The following MAP7 variants were observed in gnomAD, a reference collection of about 807,000 sequenced individuals.
MAP7 encodes the protein ensconsin.
MAP7 carries 52 observed loss-of-function variants against 94.8 expected under a neutral mutation model. The ratio of observed to expected loss-of-function variants is 0.55; its 90% confidence interval spans 0.44 to 0.69. The LOEUF (loss-of-function observed/expected upper bound fraction) is 0.69. MAP7 is among the 30% of genes least tolerant of loss of function. MAP7 has a pLI of 0.00. For synonymous variants in MAP7, 350 were observed against 357.0 expected (o/e 0.98, Z 0.22); for missense variants, 940 against 964.6 (o/e 0.97, Z 0.34).
chr6:136,462,910 C>A (rs1805712783), intron 1 of MAP7, among the ~76,000 whole-genome samples: 1 of 138,964 alleles, frequency 7.2e-6, no homozygotes, highest in Non-Finnish European at 1.5e-5. Context: ...TGCAGTGAGT[C>A]AAGATCGTGA....
At chr6:136,428,035 T>C (rs992305226) in intron 1 of MAP7, among the ~76,000 whole-genome samples, 1 of 152,180 alleles carries the variant, frequency 6.6e-6, no homozygotes, top group East Asian at 1.9e-4. Flanking sequence ...ACATGGTGTA[T>C]AGTTATATGA....
intron 1 of MAP7, among the ~76,000 whole-genome samples, chr6:136,510,534 G>A (rs1488257179): frequency 6.6e-6 from 1 of 152,106 alleles, no homozygotes; most frequent in Non-Finnish European, 1.5e-5. Flanking sequence ...GAGGATGAAG[G>A]TTCAGAAGGT....
At chr6:136,362,775 C>A in intron 10 of MAP7, 73 bp from the exon 11 acceptor site, 1 of 1,503,200 alleles carries the variant, frequency 6.7e-7, no homozygotes, top group Non-Finnish European at 8.8e-7. Context: ...CTAGCATTCC[C>A]CACATCCAAG....
intron 3 of MAP7, among the ~76,000 whole-genome samples, chr6:136,404,510 T>C (rs183143825): frequency 1.3e-5 from 2 of 152,350 alleles, no homozygotes; most frequent in African/African-American, 4.8e-5. Flanking sequence ...ATCTTAGCTT[T>C]GAACTTAGCT....
intron 1 of MAP7, among the ~76,000 whole-genome samples, chr6:136,514,744 A>G (rs1402744734): frequency 6.6e-6 from 1 of 152,216 alleles, no homozygotes; most frequent in Non-Finnish European, 1.5e-5. Flanking sequence ...TCAGTACACC[A>G]TGCTATAAAC....
chr6:136,432,496 T>C (rs1194491292), intron 1 of MAP7, among the ~76,000 whole-genome samples: 2 of 152,166 alleles, frequency 1.3e-5, no homozygotes, highest in African/African-American at 2.4e-5. Context: ...ATCAGTTCCA[T>C]AGGAATTCAA....
At chr6:136,378,394 A>C (rs1046275213) in intron 6 of MAP7, among the ~76,000 whole-genome samples, 5 of 152,206 alleles carry the variant, frequency 3.3e-5, no homozygotes, top group Non-Finnish European at 5.9e-5. Context: ...CTACTTGGGC[A>C]ATGGGAGTAT....
chr6:136,506,273 C>T (rs1057294430), intron 1 of MAP7, among the ~76,000 whole-genome samples: 1 of 151,912 alleles, frequency 6.6e-6, no homozygotes, highest in Non-Finnish European at 1.5e-5. Flanking sequence ...CAAGTTAATC[C>T]CTACCTAAAG....
intron 1 of MAP7, among the ~76,000 whole-genome samples, chr6:136,496,617 A>G (rs1562462701): frequency 6.6e-6 from 1 of 151,774 alleles, no homozygotes; most frequent in Non-Finnish European, 1.5e-5. Context: ...ACAATATTAC[A>G]TATGTTAACT....
intron 1 of MAP7, among the ~76,000 whole-genome samples, chr6:136,508,552 G>T (rs181580121): frequency 6.6e-6 from 1 of 152,138 alleles, no homozygotes; most frequent in African/African-American, 2.4e-5. Context: ...CCCAAGCTTT[G>T]TGTTGATATA....
chr6:136,438,639 A>C (rs1193642261), intron 1 of MAP7, among the ~76,000 whole-genome samples: 1 of 152,204 alleles, frequency 6.6e-6, no homozygotes, highest in Non-Finnish European at 1.5e-5. Flanking sequence ...GCAAGCATGC[A>C]TACAGTCACA....
At chr6:136,442,049 A>G (rs1447939197) in intron 1 of MAP7, among the ~76,000 whole-genome samples, 2 of 151,910 alleles carry the variant, frequency 1.3e-5, no homozygotes, top group East Asian at 1.9e-4. Flanking sequence ...TTCAAACTAC[A>G]AAGTAAATCT....
At chr6:136,370,116 G>A (rs1795234430) in intron 8 of MAP7, among the ~76,000 whole-genome samples, 1 of 152,142 alleles carries the variant, frequency 6.6e-6, no homozygotes, top group Non-Finnish European at 1.5e-5. Flanking sequence ...AGCAAAGACT[G>A]GAATTGCCAT....
chr6:136,367,194 C>T (rs1449839394), intron 8 of MAP7, among the ~76,000 whole-genome samples: 1 of 152,170 alleles, frequency 6.6e-6, no homozygotes, highest in African/African-American at 2.4e-5. Flanking sequence ...CAAAGGGAAG[C>T]CCAGAGAAGT....
intron 1 of MAP7, among the ~76,000 whole-genome samples, chr6:136,458,961 A>C (rs896963047): frequency 2.0e-5 from 3 of 152,130 alleles, no homozygotes; most frequent in African/African-American, 7.2e-5. Flanking sequence ...TAAAAAGGCA[A>C]CCTACAAAAT....
chr6:136,478,188 T>G (rs143283899), intron 1 of MAP7, among the ~76,000 whole-genome samples: 55 of 152,242 alleles, frequency 3.6e-4, no homozygotes, highest in African/African-American at 1.3e-3. Flanking sequence ...TCAAAAAAGC[T>G]GAAAAACTTC....
In MAP7 at chr6:136,512,462, C is replaced by T. The variant is rs140227972; in HGVS notation, c.67+37880G>A. ...TCTCAACTTTTTATCTAGGGTGTGA[C>T]ACCTGTTGATGTAATGAAGATTTAG... is the stretch of plus-strand genomic sequence containing the variant. On this transcript the variant is annotated intron_variant, in intron 1 of 17. Transcript: ENST00000354570. Among the ~76,000 whole-genome samples the T allele has an allele frequency of 5.9e-5, 9 of 152,274 alleles. No individual in the cohort carries two copies. In the East Asian group the frequency reaches 1.7e-3, roughly 29 times the overall value.
intron 8 of MAP7, among the ~76,000 whole-genome samples, chr6:136,369,889 G>A (rs188130917): frequency 7.2e-5 from 11 of 152,186 alleles, no homozygotes; most frequent in East Asian, 1.9e-4. Context: ...CACTAAAAGC[G>A]TAGGCAATAA....
intron 1 of MAP7, among the ~76,000 whole-genome samples, chr6:136,547,944 A>G (rs1829856962): frequency 2.0e-5 from 3 of 152,184 alleles, no homozygotes; most frequent in Admixed American, 1.3e-4. Flanking sequence ...AGAGACCCAA[A>G]AACTAAGAGT....
Sources: allele counts gnomAD v4.1 joint callset (sites outside exome capture counted in the v4.1 genomes callset), GRCh38; gene constraint gnomAD v4.1.1; transcripts MANE v1.5; gene names NCBI Gene and HGNC (gene_info 2026-07-23, HGNC 2026-07-21).